IL7: variants seen among roughly 807,000 people sequenced by gnomAD.
IL7 encodes interleukin 7, also known as interleukin-7.
In IL7, 3 loss-of-function variants were observed where a neutral mutation model predicts 21.6. That is an observed-to-expected ratio of 0.14 (90% CI 0.06 to 0.36). IL7 has a LOEUF of 0.36. Ranked by LOEUF, IL7 falls within the 10% of genes least tolerant of loss-of-function variation. The pLI, the probability that IL7 is intolerant of heterozygous loss-of-function variation, is 1.00. For synonymous variants in IL7, 62 were observed against 68.1 expected (o/e 0.91, Z 0.44); for missense variants, 175 against 200.2 (o/e 0.87, Z 0.76).
intron 3 of IL7, among the ~76,000 whole-genome samples, chr8:78,694,574 C>T (rs1810336050): frequency 6.6e-6 from 1 of 152,140 alleles, no homozygotes; most frequent in Non-Finnish European, 1.5e-5. Context: ...ATGGTTTGGC[C>T]TGGAAATTTC....
chr8:78,704,039 T>C (rs1179435616), intron 3 of IL7, among the ~76,000 whole-genome samples: 1 of 152,162 alleles, frequency 6.6e-6, no homozygotes. Context: ...CCTTCACTTA[T>C]GAAGCTTAGT....
At chr8:78,736,330 G>A in intron 5 of IL7, 144 bp downstream of exon 5, 1 of 476,690 alleles carries the variant, frequency 2.1e-6, no homozygotes. Flanking sequence ...TTTTTGAGGG[G>A]CACCTCGCTT....
intron 3 of IL7, among the ~76,000 whole-genome samples, chr8:78,726,525 A>G (rs1245354995): frequency 6.6e-6 from 1 of 152,016 alleles, no homozygotes; most frequent in East Asian, 1.9e-4. Context: ...GCTTAAACAT[A>G]TAACCTGAAT....
chr8:78,703,536 C>CTTT (rs35710652), intron 3 of IL7, among the ~76,000 whole-genome samples: 85 of 139,696 alleles, frequency 6.1e-4, no homozygotes, highest in African/African-American at 1.9e-3. Flanking sequence ...TAATACCCTT[C>CTTT]TTTTTTTTTT....
At chr8:78,694,090 A>G (rs1810314674) in intron 3 of IL7, among the ~76,000 whole-genome samples, 1 of 152,056 alleles carries the variant, frequency 6.6e-6, no homozygotes, top group Non-Finnish European at 1.5e-5. Context: ...CCATTGGTCT[A>G]TATCTCTGTT....
chr8:78,761,425 A>G, intron 2 of IL7: 3 of 1,611,980 alleles, frequency 1.9e-6, no homozygotes, highest in Non-Finnish European at 2.5e-6. Flanking sequence ...AAGAAAATCC[A>G]CTAGAGACAA....
intron 2 of IL7, among the ~76,000 whole-genome samples, chr8:78,768,053 G>C (rs1812817724): frequency 6.6e-6 from 1 of 152,106 alleles, no homozygotes; most frequent in African/African-American, 2.4e-5. Flanking sequence ...AGTTTACTGA[G>C]AATGATGATT....
intron 5 of IL7, among the ~76,000 whole-genome samples, chr8:78,719,974 T>C (rs1343460518): frequency 6.6e-6 from 1 of 151,846 alleles, no homozygotes; most frequent in Admixed American, 6.6e-5. Context: ...TAGAAATGTT[T>C]TTGTTACAAG....
At chr8:78,744,333 T>A (rs1239020325) in intron 2 of IL7, among the ~76,000 whole-genome samples, 1 of 152,156 alleles carries the variant, frequency 6.6e-6, no homozygotes, top group Admixed American at 6.5e-5. Flanking sequence ...GAGGGATGGC[T>A]CAGGGACCTG....
chr8:78,767,158 A>T (rs1219416525), intron 2 of IL7, among the ~76,000 whole-genome samples: 2 of 151,950 alleles, frequency 1.3e-5, no homozygotes, highest in African/African-American at 4.8e-5. Context: ...ATAAGGGATT[A>T]AAAAAATTTT....
intron 3 of IL7, among the ~76,000 whole-genome samples, chr8:78,711,834 A>G (rs1251174030): frequency 6.6e-6 from 1 of 152,088 alleles, no homozygotes; most frequent in Non-Finnish European, 1.5e-5. Context: ...CTCTCTGAGG[A>G]TTCTTTTGGA....
intron 5 of IL7, among the ~76,000 whole-genome samples, chr8:78,735,798 T>C (rs1029154726): frequency 3.3e-5 from 5 of 152,202 alleles, no homozygotes; most frequent in African/African-American, 9.6e-5. Context: ...CATGTAGCTA[T>C]TGGTCAAATA....
rs541077591 is a variant in IL7, at chr8:78,697,577, G to T, written n.215-11630C>A. The T allele has an allele frequency of 4.5e-5, 49 of 1,087,566 alleles. No individual in the cohort carries two copies. In the African/African-American group the frequency reaches 7.0e-4, roughly 16 times the overall value. 67.4% of individuals were successfully genotyped at this position (1,087,566 alleles called of 1,614,324 possible). On this transcript the variant is annotated intron_variant and non_coding_transcript_variant, in intron 3 of 4. Coordinates refer to the IL7 transcript ENST00000523959. ...TGGCAGAGCAGGAAATAAAGATAGTGGTCTATTCTGGAATATTAAGATAGA... is the reference window on the plus strand; with the variant it reads ...TGGCAGAGCAGGAAATAAAGATAGTTGTCTATTCTGGAATATTAAGATAGA...
At chr8:78,678,714 G>A in intron 4 of IL7, 1 of 1,459,704 alleles carries the variant, frequency 6.9e-7, no homozygotes, top group Non-Finnish European at 9.3e-7. Context: ...TATGAACTTT[G>A]GTGTTATGTA....
At chr8:78,684,170 A>C (rs1389456435) in intron 4 of IL7, among the ~76,000 whole-genome samples, 1 of 151,992 alleles carries the variant, frequency 6.6e-6, no homozygotes, top group Non-Finnish European at 1.5e-5. Flanking sequence ...GCAGTACCCC[A>C]CTCCACCAGT....
At chr8:78,720,584 A>G (rs886558294) in intron 5 of IL7, among the ~76,000 whole-genome samples, 3 of 151,778 alleles carry the variant, frequency 2.0e-5, no homozygotes, top group African/African-American at 7.2e-5. Flanking sequence ...TATACATATG[A>G]TTTTTTGACA....
chr8:78,799,910 A>G (rs558404706), intron 1 of IL7, among the ~76,000 whole-genome samples: 76 of 152,150 alleles, frequency 5.0e-4, no homozygotes, highest in Non-Finnish European at 9.4e-4. Flanking sequence ...TATTTTGGCA[A>G]TTAAAAAAAT....
At chr8:78,723,092 A>AATATATATATATATATAT (rs71264200) in intron 3 of IL7, among the ~76,000 whole-genome samples, 99 of 140,484 alleles carry the variant, frequency 7.0e-4, no homozygotes, top group East Asian at 4.5e-3. Context: ...TAGAAGTACA[A>AATATATATATATATATAT]ATATATATAT....
At chr8:78,769,664 C>T (rs1812884744) in intron 2 of IL7, among the ~76,000 whole-genome samples, 1 of 152,122 alleles carries the variant, frequency 6.6e-6, no homozygotes, top group Non-Finnish European at 1.5e-5. Flanking sequence ...TGACTTTCTT[C>T]ACAGAATTGG....
Sources: allele counts gnomAD v4.1 joint callset (sites outside exome capture counted in the v4.1 genomes callset), GRCh38; gene constraint gnomAD v4.1.1; transcripts MANE v1.5; gene names NCBI Gene and HGNC (gene_info 2026-07-23, HGNC 2026-07-21).